EXOC4: variants seen among roughly 807,000 people sequenced by gnomAD.
EXOC4 encodes exocyst complex component 4.
In EXOC4, 71 loss-of-function variants were observed where a neutral mutation model predicts 107.2. The observed-to-expected ratio is 0.66, with a 90% CI of 0.55 to 0.81. EXOC4 has a LOEUF of 0.81. Among genes scored for constraint, EXOC4 ranks in the 30% least tolerant of loss-of-function variants. The probability of loss-of-function intolerance (pLI) is 0.00; values close to 1 mark genes in which losing one functional copy is unlikely to be tolerated. For missense variants in EXOC4, 1,108 were observed against 1,189.6 expected, an observed-to-expected ratio of 0.93 and a Z score of 1.01; for synonymous variants, 456 against 441.2, an observed-to-expected ratio of 1.03 and a Z score of -0.42.
chr7:133,313,598 TGTGAA>T (rs1794924708), intron 4 of EXOC4, among the ~76,000 whole-genome samples: 1 of 152,226 alleles, frequency 6.6e-6, no homozygotes, highest in African/African-American at 2.4e-5. Flanking sequence ...ACCCATTTAT[TGTGAA>T]GTGAAGGAAC....
chr7:133,340,305 A>G (rs959804391), intron 5 of EXOC4, among the ~76,000 whole-genome samples: 1 of 151,972 alleles, frequency 6.6e-6, no homozygotes, highest in African/African-American at 2.4e-5. Flanking sequence ...CATGTGGTGT[A>G]TCACATTTAT....
intron 10 of EXOC4, among the ~76,000 whole-genome samples, chr7:133,756,358 AG>A (rs1795917275): frequency 6.6e-6 from 1 of 152,168 alleles, no homozygotes; most frequent in African/African-American, 2.4e-5. Context: ...TTTTCACAAG[AG>A]TTCCTTCAGA....
At chr7:133,810,779 C>A (rs576846368) in intron 10 of EXOC4, among the ~76,000 whole-genome samples, 7 of 151,942 alleles carry the variant, frequency 4.6e-5, no homozygotes, top group Non-Finnish European at 8.8e-5. Context: ...TACAGGCACC[C>A]GCCACCATGC....
chr7:133,748,909 C>T (rs1233039889), intron 10 of EXOC4, among the ~76,000 whole-genome samples: 5 of 152,178 alleles, frequency 3.3e-5, no homozygotes, highest in Admixed American at 6.5e-5. Context: ...AAGGTAAGCT[C>T]ACTTCCAAAA....
intron 7 of EXOC4, among the ~76,000 whole-genome samples, chr7:133,395,881 C>A (rs1426533771): frequency 6.6e-6 from 1 of 151,314 alleles, no homozygotes; most frequent in Admixed American, 6.6e-5. Flanking sequence ...TGTTTTTTTT[C>A]TTTACAGCAT....
At chr7:134,025,716 A>G (rs993902029) in intron 17 of EXOC4, among the ~76,000 whole-genome samples, 2 of 152,096 alleles carry the variant, frequency 1.3e-5, no homozygotes, top group Admixed American at 6.5e-5. Context: ...TAGATTTTCC[A>G]TGTGATTTCT....
chr7:133,937,988 G>A lies in EXOC4; in HGVS notation c.2125G>A (p.Ala709Thr). ...DILRDVSDLK[A>T]LANMHESLEW... ...CCTTCGTGACGTCAGTGACCTCAAA[G>A]CCTTGGCCAACATGCATGAAAGCCT... The change falls in exon 14 of 18, where the codon GCC becomes ACC. Residue 709 changes from alanine (A) to threonine (T), a missense_variant. Ala to Thr is a moderately conservative substitution (Grantham distance 58). Coordinates refer to ENST00000253861, the MANE Select transcript of EXOC4 (RefSeq NM_021807.4). 6.2e-7 allele frequency: 1 copy of A among 1,614,132 alleles called. No homozygotes were observed. Among genetic ancestry groups the A allele is most frequent in the Non-Finnish European group, 8.5e-7 (1 of 1,180,030 alleles).
chr7:133,979,058 T>C (rs1793910027), intron 14 of EXOC4, among the ~76,000 whole-genome samples: 1 of 152,148 alleles, frequency 6.6e-6, no homozygotes, highest in African/African-American at 2.4e-5. Flanking sequence ...AAGTCTCCTG[T>C]GGTAGTAAAT....
intron 10 of EXOC4, among the ~76,000 whole-genome samples, chr7:133,671,546 G>A (rs1231530168): frequency 2.6e-5 from 4 of 152,120 alleles, no homozygotes; most frequent in African/African-American, 9.7e-5. Context: ...CAGCCTGGGC[G>A]ATAGAGCAAG....
intron 10 of EXOC4, among the ~76,000 whole-genome samples, chr7:133,811,344 T>C (rs1437421673): frequency 6.6e-6 from 1 of 152,218 alleles, no homozygotes; most frequent in East Asian, 1.9e-4. Flanking sequence ...ATAGAGCTAA[T>C]GAGGAGCATT....
chr7:133,572,753 C>A (rs1801051499), intron 9 of EXOC4, among the ~76,000 whole-genome samples: 1 of 152,110 alleles, frequency 6.6e-6, no homozygotes, highest in South Asian at 2.1e-4. Context: ...AAATGTCATT[C>A]CACTGAAACA....
intron 14 of EXOC4, among the ~76,000 whole-genome samples, chr7:133,994,311 T>C (rs1794330187): frequency 6.6e-6 from 1 of 152,148 alleles, no homozygotes; most frequent in African/African-American, 2.4e-5. Flanking sequence ...TTTTTATGGC[T>C]GCATAGTATT....
At chr7:133,314,120 C>T (rs1253560357) in intron 4 of EXOC4, among the ~76,000 whole-genome samples, 1 of 152,062 alleles carries the variant, frequency 6.6e-6, no homozygotes, top group Non-Finnish European at 1.5e-5. Flanking sequence ...ATTAATCAAT[C>T]CCTTCTCAGC....
intron 7 of EXOC4, among the ~76,000 whole-genome samples, chr7:133,403,383 TC>T (rs1797138197): frequency 6.6e-6 from 1 of 152,178 alleles, no homozygotes; most frequent in Non-Finnish European, 1.5e-5. Flanking sequence ...ATCACTGTGA[TC>T]CTACTGCATT....
intron 14 of EXOC4, among the ~76,000 whole-genome samples, chr7:133,983,027 G>A (rs543248008): frequency 5.3e-5 from 8 of 152,296 alleles, no homozygotes; most frequent in Admixed American, 5.2e-4. Context: ...TGTTTCTGCA[G>A]GCTATACAGA....
chr7:134,056,381 A>G (rs946456520), intron 17 of EXOC4, among the ~76,000 whole-genome samples: 3 of 152,254 alleles, frequency 2.0e-5, no homozygotes, highest in Non-Finnish European at 1.5e-5. Flanking sequence ...AAATAAAAAA[A>G]TCACAGAACA....
At chr7:133,938,112 C>G in intron 14 of EXOC4, 43 bp downstream of exon 14, 1 of 1,595,564 alleles carries the variant, frequency 6.3e-7, no homozygotes, top group South Asian at 1.1e-5. Context: ...AGTTGAGGAA[C>G]TAGACTGAAT....
At chr7:133,690,275 T>C (rs188652544) in intron 10 of EXOC4, among the ~76,000 whole-genome samples, 17 of 152,366 alleles carry the variant, frequency 1.1e-4, no homozygotes, top group African/African-American at 3.8e-4. Context: ...ATATTTACTT[T>C]TAATTTTCTT....
intron 10 of EXOC4, among the ~76,000 whole-genome samples, chr7:133,719,904 AGGATGGAT>A (rs111740110): frequency 4.6e-5 from 7 of 151,846 alleles, no homozygotes; most frequent in African/African-American, 9.7e-5. Flanking sequence ...TTCTCAGGAA[AGGATGGAT>A]GGATGGATGG....
Sources: gnomAD v4.1 joint callset for allele counts (sites outside exome capture counted in the v4.1 genomes callset) on GRCh38, gnomAD v4.1.1 for gene constraint, MANE v1.5 for transcripts, NCBI Gene and HGNC (gene_info 2026-07-23, HGNC 2026-07-21) for gene names.